CDKAL1: variants seen among roughly 807,000 people sequenced by gnomAD.
CDKAL1 encodes threonylcarbamoyladenosine tRNA methylthiotransferase.
In CDKAL1, 32 loss-of-function variants were observed where a neutral mutation model predicts 68.2. That is an observed-to-expected ratio of 0.47 (90% confidence interval 0.35 to 0.63). The LOEUF (loss-of-function observed/expected upper bound fraction) is 0.63. Ranked by LOEUF, CDKAL1 falls within the 30% of genes least tolerant of loss-of-function variation. The pLI is 0.00. For missense variants in CDKAL1, 606 were observed against 696.7 expected, an observed-to-expected ratio of 0.87 and a Z score of 1.47; for synonymous variants, 234 against 244.3, an observed-to-expected ratio of 0.96 and a Z score of 0.39.
At chr6:20,703,423 G>A (rs986707776) in intron 5 of CDKAL1, among the ~76,000 whole-genome samples, 2 of 152,100 alleles carry the variant, frequency 1.3e-5, no homozygotes, top group South Asian at 2.1e-4. Context: ...GACCTTTGGT[G>A]TAGATGGTTA....
chr6:20,667,990 A>G lies in CDKAL1; in HGVS notation c.371+18613A>G, dbSNP rs138813258. Among the ~76,000 whole-genome samples, 489 of 152,070 alleles carry G rather than the reference A, an allele frequency of 3.2e-3. 2 individuals carry two copies. The highest frequency in any genetic ancestry group is 0.011 in the African/African-American group (449 of 41,518). ...CCTTATGCCCTTTACCATAATGTAT[A>G]CAAATGACTATGTCAATACCTTTCC... On this transcript the variant is annotated intron_variant, in intron 5 of 15. Transcript: ENST00000274695.
At chr6:21,187,372 C>G (rs1017251707) in intron 13 of CDKAL1, among the ~76,000 whole-genome samples, 1 of 152,188 alleles carries the variant, frequency 6.6e-6, no homozygotes, top group Non-Finnish European at 1.5e-5. Context: ...CTGAAGTCCT[C>G]TCTTCTATCC....
At chr6:21,079,344 G>A (rs1049645643) in intron 12 of CDKAL1, among the ~76,000 whole-genome samples, 1 of 152,092 alleles carries the variant, frequency 6.6e-6, no homozygotes, top group African/African-American at 2.4e-5. Flanking sequence ...TGTCTGTTTT[G>A]GAAAGCTCTG....
intron 12 of CDKAL1, among the ~76,000 whole-genome samples, chr6:21,069,999 C>T (rs1246116839): frequency 2.0e-5 from 3 of 151,724 alleles, no homozygotes; most frequent in Admixed American, 1.3e-4. Context: ...ACCGTGTTAA[C>T]CAGGATGGTC....
At chr6:20,806,506 G>A (rs1776578891) in intron 8 of CDKAL1, among the ~76,000 whole-genome samples, 1 of 152,062 alleles carries the variant, frequency 6.6e-6, no homozygotes, top group African/African-American at 2.4e-5. Context: ...GAGATTTCTG[G>A]GCTGAATGGT....
intron 10 of CDKAL1, among the ~76,000 whole-genome samples, chr6:20,975,076 A>G (rs1367300390): frequency 6.6e-6 from 1 of 151,710 alleles, no homozygotes; most frequent in Non-Finnish European, 1.5e-5. Flanking sequence ...TTTAATATAG[A>G]TATTTATCTT....
intron 5 of CDKAL1, among the ~76,000 whole-genome samples, chr6:20,653,191 T>C (rs1339546908): frequency 6.6e-6 from 1 of 152,230 alleles, no homozygotes; most frequent in Non-Finnish European, 1.5e-5. Context: ...TTAAACATGT[T>C]TTCCGGTGCA....
At chr6:21,105,647 A>C (rs1773808478) in intron 12 of CDKAL1, among the ~76,000 whole-genome samples, 1 of 152,180 alleles carries the variant, frequency 6.6e-6, no homozygotes, top group Non-Finnish European at 1.5e-5. Flanking sequence ...TGTGTCCTTG[A>C]GGACACTGGA....
At chr6:20,621,528 G>T (rs576174483) in intron 4 of CDKAL1, among the ~76,000 whole-genome samples, 3 of 152,028 alleles carry the variant, frequency 2.0e-5, no homozygotes, top group African/African-American at 7.2e-5. Context: ...TTTTAGAGTG[G>T]TGTATCTACA....
intron 6 of CDKAL1, among the ~76,000 whole-genome samples, chr6:20,751,887 A>G (rs1013423189): frequency 2.0e-5 from 3 of 152,194 alleles, no homozygotes; most frequent in Non-Finnish European, 4.4e-5. Context: ...GCTCTTGTGT[A>G]TTCAGAGCCT....
At chr6:21,179,358 C>T (rs1339402566) in intron 13 of CDKAL1, among the ~76,000 whole-genome samples, 2 of 152,120 alleles carry the variant, frequency 1.3e-5, no homozygotes. Context: ...CAGTCTAGGG[C>T]CTTATTTAAC....
intron 9 of CDKAL1, among the ~76,000 whole-genome samples, chr6:20,949,883 A>G (rs897439929): frequency 4.6e-5 from 7 of 152,062 alleles, no homozygotes; most frequent in African/African-American, 1.7e-4. Context: ...CCCACCTCCC[A>G]GGTTCAAGCA....
At chr6:20,925,860 A>G (rs1191374688) in intron 9 of CDKAL1, among the ~76,000 whole-genome samples, 2 of 152,130 alleles carry the variant, frequency 1.3e-5, no homozygotes, top group Non-Finnish European at 2.9e-5. Flanking sequence ...CTCTTTTATG[A>G]TTGAGTGATA....
chr6:21,181,626 CA>C (rs1777792688), intron 13 of CDKAL1, among the ~76,000 whole-genome samples: 1 of 152,100 alleles, frequency 6.6e-6, no homozygotes, highest in Non-Finnish European at 1.5e-5. Flanking sequence ...TATAGCAGCA[CA>C]AAACAGACTA....
intron 15 of CDKAL1, among the ~76,000 whole-genome samples, chr6:21,222,252 C>A (rs1306982472): frequency 6.6e-6 from 1 of 152,062 alleles, no homozygotes; most frequent in African/African-American, 2.4e-5. Flanking sequence ...TTGTAATGAC[C>A]TGATAGCAAT....
At chr6:20,632,333 A>G (rs1407723194) in intron 4 of CDKAL1, among the ~76,000 whole-genome samples, 6 of 152,238 alleles carry the variant, frequency 3.9e-5, no homozygotes, top group South Asian at 2.1e-4. Context: ...GTTGTAGTGC[A>G]TATCACTGGC....
At chr6:20,830,456 T>C (rs779696685) in intron 8 of CDKAL1, among the ~76,000 whole-genome samples, 24 of 146,182 alleles carry the variant, frequency 1.6e-4, no homozygotes, top group Admixed American at 1.2e-3. Flanking sequence ...ATTTGTATGA[T>C]ATGTTTCAGA....
intron 8 of CDKAL1, among the ~76,000 whole-genome samples, chr6:20,822,672 T>C (rs1265988823): frequency 1.3e-5 from 2 of 152,124 alleles, no homozygotes; most frequent in Admixed American, 6.6e-5. Flanking sequence ...GTTTCCCCAA[T>C]GTTGTTCTCA....
At chr6:21,164,221 T>A (rs184503127) in intron 13 of CDKAL1, among the ~76,000 whole-genome samples, 2 of 152,078 alleles carry the variant, frequency 1.3e-5, no homozygotes, top group Non-Finnish European at 2.9e-5. Flanking sequence ...ATTGTGATCA[T>A]AGATTTGAAA....
Sources: allele counts gnomAD v4.1 joint callset (sites outside exome capture counted in the v4.1 genomes callset), GRCh38; gene constraint gnomAD v4.1.1; transcripts MANE v1.5; gene names NCBI Gene and HGNC (gene_info 2026-07-23, HGNC 2026-07-21).